ANKRD6: variants seen among roughly 807,000 people sequenced by gnomAD.
The protein encoded by ANKRD6 is ankyrin repeat domain-containing protein 6.
Under a neutral mutation model 82.3 loss-of-function variants are expected in ANKRD6, and 56 were observed. The observed-to-expected ratio is 0.68, with a 90% CI of 0.55 to 0.85. The LOEUF is 0.85. Ranked by LOEUF, ANKRD6 falls within the 40% of genes least tolerant of loss-of-function variation. The probability of loss-of-function intolerance (pLI) is 0.00; values close to 1 mark genes in which losing one functional copy is unlikely to be tolerated. For synonymous variants in ANKRD6, 347 were observed against 352.1 expected (o/e 0.99, Z 0.16); for missense variants, 852 against 907.6 (o/e 0.94, Z 0.79).
At chr6:89,455,589 A>G (rs1171686405) in intron 1 of ANKRD6, among the ~76,000 whole-genome samples, 2 of 152,122 alleles carry the variant, frequency 1.3e-5, no homozygotes. Flanking sequence ...CAGAGTTCTC[A>G]TGAATGGTTT....
At chr6:89,489,251 T>G (rs1224834306) in intron 1 of ANKRD6, among the ~76,000 whole-genome samples, 1 of 152,230 alleles carries the variant, frequency 6.6e-6, no homozygotes, top group Non-Finnish European at 1.5e-5. Context: ...AACCGGCTGC[T>G]GCAGCTGACA....
intron 2 of ANKRD6, among the ~76,000 whole-genome samples, chr6:89,570,852 T>C (rs1789702249): frequency 6.6e-6 from 1 of 152,242 alleles, no homozygotes. Context: ...TGTATGAACA[T>C]GGGTATACAT....
chr6:89,576,994 G>T (rs1345290676), intron 2 of ANKRD6, among the ~76,000 whole-genome samples: 1 of 151,602 alleles, frequency 6.6e-6, no homozygotes, highest in Non-Finnish European at 1.5e-5. Flanking sequence ...TAAACTTCTG[G>T]ACTCAAGTGA....
At chr6:89,444,261 C>G (rs1275289117) in intron 1 of ANKRD6, among the ~76,000 whole-genome samples, 1 of 152,192 alleles carries the variant, frequency 6.6e-6, no homozygotes, top group Non-Finnish European at 1.5e-5. Context: ...TTGTTTTCCT[C>G]CATTTGCTGT....
intron 1 of ANKRD6, among the ~76,000 whole-genome samples, chr6:89,491,927 C>T (rs1275834190): frequency 1.3e-5 from 2 of 152,138 alleles, no homozygotes; most frequent in Non-Finnish European, 2.9e-5. Context: ...AGTCTATTAC[C>T]ATTAGATCCT....
In ANKRD6 at chr6:89,632,191, C is replaced by T. The variant is rs1807529866; in HGVS notation, c.*1187C>T. On this transcript the variant is annotated 3_prime_UTR_variant, in exon 16 of 16. Coordinates refer to ENST00000339746, the MANE Select transcript of ANKRD6 (RefSeq NM_001242809.2). ...TTCTATAGACACAGGAACCTAGTGA[C>T]TATTGAACGTAATTGTAATAAAATG... The T allele has an allele frequency of 6.6e-6, 1 of 152,132 alleles. No individual in the cohort carries two copies. The highest frequency in any genetic ancestry group is 2.4e-5 in the African/African-American group (1 of 41,428). 9.4% of individuals were successfully genotyped at this position (152,132 alleles called of 1,614,324 possible).
At chr6:89,469,568 A>G (rs567418896) in intron 1 of ANKRD6, among the ~76,000 whole-genome samples, 1 of 152,282 alleles carries the variant, frequency 6.6e-6, no homozygotes, top group Admixed American at 6.5e-5. Context: ...CTTTCTTTTC[A>G]GCAGGTGGTA....
intron 13 of ANKRD6, 137 bp downstream of exon 13, chr6:89,624,828 T>A: frequency 1.1e-6 from 1 of 922,494 alleles, no homozygotes. Context: ...TGCTTCTGCT[T>A]ATGTGATTTT....
At chr6:89,616,456 C>A in intron 7 of ANKRD6, 103 bp from the exon 8 acceptor site, 5 of 1,048,238 alleles carry the variant, frequency 4.8e-6, no homozygotes, top group Non-Finnish European at 7.2e-6. Flanking sequence ...TCAGGCAAAT[C>A]TCAGTTTGAC....
At chr6:89,629,032 T>C in intron 14 of ANKRD6, 80 bp from the exon 15 acceptor site, 1 of 1,463,756 alleles carries the variant, frequency 6.8e-7, no homozygotes, top group Non-Finnish European at 9.2e-7. Flanking sequence ...CCATCCTTGA[T>C]GCTTTAATTC....
intron 2 of ANKRD6, among the ~76,000 whole-genome samples, chr6:89,585,920 A>G (rs1006837389): frequency 6.6e-6 from 1 of 152,242 alleles, no homozygotes. Flanking sequence ...AAAAGAAAGC[A>G]CTAGGGCCAG....
At chr6:89,466,051 A>T (rs1487598390) in intron 1 of ANKRD6, among the ~76,000 whole-genome samples, 2 of 152,120 alleles carry the variant, frequency 1.3e-5, no homozygotes, top group Non-Finnish European at 2.9e-5. Context: ...ATAGGTAACC[A>T]CTATTTCTTG....
intron 1 of ANKRD6, among the ~76,000 whole-genome samples, chr6:89,519,249 T>A (rs1490073610): frequency 6.6e-6 from 1 of 152,214 alleles, no homozygotes; most frequent in African/African-American, 2.4e-5. Context: ...GAGAATATCA[T>A]CCTGGTCATA....
chr6:89,485,617 G>C (rs529847976), intron 1 of ANKRD6, among the ~76,000 whole-genome samples: 6 of 152,340 alleles, frequency 3.9e-5, no homozygotes, highest in African/African-American at 1.4e-4. Context: ...GGGGGTCTCT[G>C]GAGCCTCCAG....
chr6:89,624,756 A>G (rs909934664), intron 13 of ANKRD6, 65 bp downstream of exon 13: 12 of 1,535,348 alleles, frequency 7.8e-6, no homozygotes, highest in African/African-American at 1.4e-5. Context: ...TCAGGAACCA[A>G]CTTCGACTTT....
chr6:89,564,693 C>T (rs1788094692), intron 1 of ANKRD6, among the ~76,000 whole-genome samples: 1 of 152,192 alleles, frequency 6.6e-6, no homozygotes, highest in Non-Finnish European at 1.5e-5. Flanking sequence ...AACCTCTACC[C>T]TCAGGGGCTA....
At chr6:89,628,055 G>C (rs1806293397) in intron 14 of ANKRD6, among the ~76,000 whole-genome samples, 1 of 152,142 alleles carries the variant, frequency 6.6e-6, no homozygotes, top group Non-Finnish European at 1.5e-5. Flanking sequence ...GACATGGAAT[G>C]AGTACAGTGA....
chr6:89,621,422 A>G (rs1803247890), intron 9 of ANKRD6: 1 of 166,842 alleles, frequency 6.0e-6, no homozygotes, highest in Non-Finnish European at 1.3e-5. Context: ...TGGCTCATAG[A>G]TACACTTTAA....
rs556919377 is a variant in ANKRD6, at chr6:89,627,662, C to T, written c.1451C>T (p.Ser484Leu). ...TGCCTGAACCGCCTGCAACAGCACT[C>T]AGACACAGAGAAGCATGAGGGGGAG... ...TECLNRLQQH[S>L]DTEKHEGEKR... The change falls in exon 14 of 16, where the codon TCA (serine) becomes TTA (leucine). Residue 484 changes from serine to leucine, a missense_variant. By Grantham distance (145) the Ser-to-Leu change is moderately radical. Transcript: ENST00000339746. 1 of 1,613,654 alleles carries T rather than the reference C, an allele frequency of 6.2e-7. No individual in the cohort carries two copies. Among genetic ancestry groups the T allele is most frequent in the South Asian group, 1.1e-5 (1 of 91,074 alleles).
Sources: gnomAD v4.1 joint callset for allele counts (sites outside exome capture counted in the v4.1 genomes callset) on GRCh38, gnomAD v4.1.1 for gene constraint, MANE v1.5 for transcripts, NCBI Gene and HGNC (gene_info 2026-07-23, HGNC 2026-07-21) for gene names.